The following TENT5D variants were observed in gnomAD, a reference collection of about 807,000 sequenced individuals.
TENT5D encodes the protein terminal nucleotidyltransferase 5D.
For synonymous variants in TENT5D, 103 were observed against 100.6 expected (o/e 1.02, Z -0.15); for missense variants, 191 against 287.0 (o/e 0.67, Z 2.42).
intron 3 of TENT5D, among the ~76,000 whole-genome samples, chrX:80,354,837 T>C (rs991388069): frequency 7.1e-5 from 8 of 112,232 alleles, no homozygotes; most frequent in Non-Finnish European, 1.3e-4. Context: ...TGTGGGCGGA[T>C]GTTCTTTTAA....
chrX:80,376,121 A>T lies in TENT5D; in HGVS notation c.-142+33557A>T, dbSNP rs767731091. On this transcript the variant is annotated intron_variant, in intron 3 of 4. Coordinates refer to the TENT5D transcript ENST00000538312. ...ATAGCTCTCTAAGACAGTTTGGTAT[A>T]TTTCACTACTTGTAGTAATTAACGT... is the stretch of plus-strand genomic sequence containing the variant. 2.7e-5 allele frequency among the ~76,000 whole-genome samples: 3 copies of T among 109,942 alleles called. No homozygotes were observed. In the Admixed American group the frequency reaches 2.9e-4, roughly 11 times the overall value.
intron 3 of TENT5D, among the ~76,000 whole-genome samples, chrX:80,376,203 G>A (rs1930723709): frequency 9.0e-6 from 1 of 110,983 alleles, no homozygotes; most frequent in East Asian, 2.8e-4. Flanking sequence ...TAAAGAACAA[G>A]AAGTAAATAC....
intron 3 of TENT5D, among the ~76,000 whole-genome samples, chrX:80,372,007 G>T (rs1569360550): frequency 9.0e-6 from 1 of 111,311 alleles, no homozygotes; most frequent in Non-Finnish European, 1.9e-5. Context: ...ACTAAATCCT[G>T]AATGCCATGA....
intron 3 of TENT5D, among the ~76,000 whole-genome samples, chrX:80,347,151 T>C (rs1930081020): frequency 8.9e-6 from 1 of 111,815 alleles, no homozygotes; most frequent in African/African-American, 3.3e-5. Flanking sequence ...TGTGCATGTT[T>C]CTTTATAGTA....
chrX:80,409,484 C>G (rs1025044677), intron 3 of TENT5D, among the ~76,000 whole-genome samples: 2 of 111,005 alleles, frequency 1.8e-5, no homozygotes, highest in African/African-American at 6.6e-5. Context: ...AATGAGTGAA[C>G]TCCCATTCAC....
intron 1 of TENT5D, among the ~76,000 whole-genome samples, chrX:80,433,835 C>G (rs1468262004): frequency 9.0e-6 from 1 of 111,177 alleles, no homozygotes; most frequent in Non-Finnish European, 1.9e-5. Context: ...CACTTTGACT[C>G]TTAAAATGGG....
chrX:80,395,512 C>T (rs1274239539), intron 3 of TENT5D, among the ~76,000 whole-genome samples: 1 of 111,722 alleles, frequency 9.0e-6, no homozygotes, highest in Non-Finnish European at 1.9e-5. Flanking sequence ...TCTCCACATC[C>T]TTCCCAACAC....
At chrX:80,443,814 C>A in exon 3 of TENT5D, 1 of 698,282 alleles carries the variant, frequency 1.4e-6, no homozygotes, top group Non-Finnish European at 2.1e-6. Context: ...GTACAGTTAC[C>A]AATTATTTTC....
intron 3 of TENT5D, among the ~76,000 whole-genome samples, chrX:80,406,031 C>T (rs1182911643): frequency 9.2e-6 from 1 of 108,655 alleles, no homozygotes; most frequent in African/African-American, 3.4e-5. Flanking sequence ...AGACCTGCAG[C>T]TGAGGGTCCT....
chrX:80,395,855 C>T (rs191666417), intron 3 of TENT5D, among the ~76,000 whole-genome samples: 63 of 104,709 alleles, frequency 6.0e-4, no homozygotes, highest in African/African-American at 2.1e-3. Context: ...CTCACTTCCC[C>T]CTACTCTTCC....
intron 3 of TENT5D, among the ~76,000 whole-genome samples, chrX:80,384,872 A>C (rs1930957911): frequency 9.1e-6 from 1 of 110,432 alleles, no homozygotes; most frequent in Non-Finnish European, 1.9e-5. Flanking sequence ...AAGGGATGTG[A>C]AGGACCTCTT....
intron 3 of TENT5D, among the ~76,000 whole-genome samples, chrX:80,351,102 A>C (rs771529255): frequency 1.8e-5 from 2 of 110,631 alleles, no homozygotes; most frequent in Non-Finnish European, 3.8e-5. Context: ...AACCTTGGAG[A>C]ATCTGACGAT....
intron 3 of TENT5D, among the ~76,000 whole-genome samples, chrX:80,378,551 C>A (rs1458043713): frequency 1.8e-5 from 2 of 111,250 alleles, no homozygotes; most frequent in African/African-American, 6.5e-5. Flanking sequence ...TTCCCCATTT[C>A]TTATTTTGGT....
chrX:80,407,086 A>G (rs1337418432), intron 3 of TENT5D, among the ~76,000 whole-genome samples: 3 of 109,407 alleles, frequency 2.7e-5, no homozygotes, highest in African/African-American at 1.0e-4. Context: ...GCCCTAAAAG[A>G]GCTCTTGAAG....
intron 3 of TENT5D, among the ~76,000 whole-genome samples, chrX:80,347,488 C>T (rs1054641985): frequency 2.7e-5 from 3 of 112,118 alleles, no homozygotes; most frequent in African/African-American, 9.7e-5. Flanking sequence ...AATGTCTGTT[C>T]ATATCCTTTG....
At chrX:80,358,477 CAT>C (rs1930334676) in intron 3 of TENT5D, among the ~76,000 whole-genome samples, 1 of 112,214 alleles carries the variant, frequency 8.9e-6, no homozygotes, top group African/African-American at 3.2e-5. Flanking sequence ...AGCTTGTAAT[CAT>C]AGAAAAATTG....
intron 3 of TENT5D, among the ~76,000 whole-genome samples, chrX:80,380,017 C>T (rs978355214): frequency 9.5e-6 from 1 of 105,523 alleles, no homozygotes; most frequent in Admixed American, 1.1e-4. Flanking sequence ...AATTTGTTTG[C>T]TCTTGCTTCT....
chrX:80,411,044 T>C (rs1229495647), intron 3 of TENT5D, among the ~76,000 whole-genome samples: 1 of 90,664 alleles, frequency 1.1e-5, no homozygotes, highest in Non-Finnish European at 2.1e-5. Context: ...AATTGAACAA[T>C]GAGAACACAT....
exon 3 of TENT5D, chrX:80,442,737 C>A: frequency 5.8e-6 from 7 of 1,210,899 alleles, no homozygotes; most frequent in South Asian, 1.8e-5. Flanking sequence ...TGAATGGTTC[C>A]GTAGCAAGTT....
Sources: allele counts gnomAD v4.1 joint callset (sites outside exome capture counted in the v4.1 genomes callset), GRCh38; gene constraint gnomAD v4.1.1; transcripts MANE v1.5; gene names NCBI Gene and HGNC (gene_info 2026-07-23, HGNC 2026-07-21).